Variants in BMP2K observed in about 807,000 individuals in gnomAD.
BMP2K encodes BMP-2-inducible protein kinase.
In BMP2K, 74 loss-of-function variants were observed where a neutral mutation model predicts 116.0. The ratio of observed to expected loss-of-function variants is 0.64; its 90% CI spans 0.53 to 0.77. The LOEUF (loss-of-function observed/expected upper bound fraction) is 0.77, where lower values mean the gene tolerates loss of function less well. Among genes scored for constraint, BMP2K ranks in the 30% least tolerant of loss-of-function variants. The probability of loss-of-function intolerance (pLI) is 0.00; values close to 1 mark genes in which losing one functional copy is unlikely to be tolerated. For missense variants in BMP2K, 1,365 were observed against 1,403.6 expected (o/e 0.97, Z 0.44); for synonymous variants, 486 against 502.5 (o/e 0.97, Z 0.44).
chr4:78,883,564 T>C (rs1732954068), intron 14 of BMP2K, among the ~76,000 whole-genome samples: 3 of 152,198 alleles, frequency 2.0e-5, no homozygotes, highest in Admixed American at 2.0e-4. Flanking sequence ...TTTTTACTTA[T>C]AGGGACCCCT....
chr4:78,841,855 TTCAATC>T (rs1420198780), intron 3 of BMP2K, among the ~76,000 whole-genome samples: 5 of 152,222 alleles, frequency 3.3e-5, no homozygotes, highest in African/African-American at 1.2e-4. Flanking sequence ...CTAATTATCC[TTCAATC>T]TCAAATATCA....
rs934418003 is a variant in BMP2K at position 78,912,258 on chromosome 4, G to C, written c.*225G>C. On this transcript the variant is annotated 3_prime_UTR_variant, in exon 16 of 16. Transcript: ENST00000502613. ...GAGCTAAATTGCAAGCTCTAACTAA[G>C]GGTTTCTGCTACTGACATCACAACA... The C allele has an allele frequency of 2.1e-6, 1 of 471,286 alleles. No individual in the cohort carries two copies. Among genetic ancestry groups the C allele is most frequent in the Non-Finnish European group, 3.7e-6 (1 of 267,960 alleles). 29.2% of individuals were successfully genotyped at this position (471,286 alleles called of 1,614,324 possible). A position where few individuals can be genotyped will look rare whatever the true frequency, so the allele number is the denominator to read the frequency against.
chr4:78,812,729 T>G (rs1236479362), intron 1 of BMP2K, among the ~76,000 whole-genome samples: 1 of 152,208 alleles, frequency 6.6e-6, no homozygotes, highest in Non-Finnish European at 1.5e-5. Context: ...TATAGCAAAG[T>G]GCTGTTAATC....
chr4:78,841,139 T>G (rs1333565881), intron 3 of BMP2K, among the ~76,000 whole-genome samples: 1 of 152,162 alleles, frequency 6.6e-6, no homozygotes, highest in Admixed American at 6.6e-5. Context: ...GCTTTAAAAT[T>G]CTATGAGAAA....
In BMP2K at chr4:78,870,976, A is replaced by ACAGCAACAGCAGCAGCAGCAG. The variant is rs766406376; in HGVS notation, c.1431_1451dup (p.Gln480_Gln486dup). 22 of 1,608,410 alleles carry ACAGCAACAGCAGCAGCAGCAG rather than the reference A, an allele frequency of 1.4e-5. No homozygotes were observed. Among genetic ancestry groups the ACAGCAACAGCAGCAGCAGCAG allele is most frequent in the Non-Finnish European group, 9.3e-6 (11 of 1,177,894 alleles). ...AGCAACAGCAACAGCAGCAGCAGCA[A>ACAGCAACAGCAGCAGCAGCAG]CAGCAACAGCAGCAGCAGCAGCAGC... On this transcript the variant is annotated inframe_insertion, in exon 11 of 16. Coordinates refer to ENST00000502613, the MANE Select transcript of BMP2K (RefSeq NM_198892.2).
intron 15 of BMP2K, 151 bp downstream of exon 15, chr4:78,887,435 ATGT>A: frequency 1.6e-6 from 1 of 638,672 alleles, no homozygotes; most frequent in Non-Finnish European, 2.7e-6. Context: ...CTTCTTAATG[ATGT>A]TCTTTGCATT....
chr4:78,845,622 C>T (rs753485047), intron 5 of BMP2K, among the ~76,000 whole-genome samples: 13 of 151,612 alleles, frequency 8.6e-5, no homozygotes, highest in Non-Finnish European at 1.6e-4. Flanking sequence ...GAGAATCTTT[C>T]GCTGACTCTT....
chr4:78,828,112 A>G (rs1177446894), intron 2 of BMP2K, among the ~76,000 whole-genome samples: 1 of 152,188 alleles, frequency 6.6e-6, no homozygotes, highest in Non-Finnish European at 1.5e-5. Flanking sequence ...AGCTGCCAGC[A>G]TGGCTAGAAT....
In BMP2K at chr4:78,793,921, C is replaced by T. The variant is rs146220272; in HGVS notation, c.178+17200C>T. On this transcript the variant is annotated intron_variant, in intron 1 of 15. Transcript: ENST00000502613. ...AGAACATTTAAAATTTTATATGTGG[C>T]TCACATTATATTGGACATACTGGAC... Among the ~76,000 whole-genome samples, 6 of 151,934 alleles carry T rather than the reference C, an allele frequency of 3.9e-5. No homozygotes were observed. In the East Asian group the frequency reaches 1.2e-3, roughly 29 times the overall value.
intron 11 of BMP2K, 82 bp downstream of exon 11, chr4:78,871,142 C>G: frequency 6.4e-7 from 1 of 1,557,438 alleles, no homozygotes; most frequent in Non-Finnish European, 8.7e-7. Context: ...CTTTTTGTAT[C>G]ATGGGCACCT....
intron 7 of BMP2K, among the ~76,000 whole-genome samples, chr4:78,851,984 A>G (rs2110034509): frequency 6.6e-6 from 1 of 152,248 alleles, no homozygotes; most frequent in Non-Finnish European, 1.5e-5. Context: ...TCTAAGTTTT[A>G]TAATTTATGA....
chr4:78,874,531 T>G (rs1732540217), intron 13 of BMP2K, among the ~76,000 whole-genome samples: 1 of 152,190 alleles, frequency 6.6e-6, no homozygotes, highest in African/African-American at 2.4e-5. Flanking sequence ...TTTTCCACTT[T>G]TGATGCTAAC....
intron 10 of BMP2K, among the ~76,000 whole-genome samples, chr4:78,868,443 A>G (rs192326296): frequency 6.6e-6 from 1 of 152,150 alleles, no homozygotes; most frequent in South Asian, 2.1e-4. Context: ...AAGTCAAACC[A>G]TATCATTCTA....
chr4:78,810,379 C>T lies in BMP2K; in HGVS notation c.179-15658C>T, dbSNP rs143394505. On this transcript the variant is annotated intron_variant, in intron 1 of 15. Coordinates refer to ENST00000502613, the MANE Select transcript of BMP2K (RefSeq NM_198892.2). Reference sequence around the variant, plus strand: ...AGCTAGAGCTTTTCAAAGAGTTTTTCGAAGCCCCTGTAGATATCTCATTCC... The same window carrying T: ...AGCTAGAGCTTTTCAAAGAGTTTTTTGAAGCCCCTGTAGATATCTCATTCC... Among the ~76,000 whole-genome samples, 55 of 152,256 alleles carry T rather than the reference C, an allele frequency of 3.6e-4. 1 individual carries two copies. In the East Asian group the frequency reaches 6.9e-3, roughly 19 times the overall value.
chr4:78,857,667 C>T (rs1417725149), intron 7 of BMP2K, among the ~76,000 whole-genome samples: 1 of 152,106 alleles, frequency 6.6e-6, no homozygotes, highest in Non-Finnish European at 1.5e-5. Flanking sequence ...CTAGTCCATA[C>T]TGATAGCGTG....
intron 13 of BMP2K, among the ~76,000 whole-genome samples, chr4:78,873,230 T>TAGAA (rs1259921305): frequency 1.3e-5 from 2 of 152,258 alleles, no homozygotes; most frequent in African/African-American, 4.8e-5. Context: ...ATAAACATTT[T>TAGAA]TACATATATG....
chr4:78,833,747 G>A, intron 3 of BMP2K, 60 bp downstream of exon 3: 2 of 1,127,060 alleles, frequency 1.8e-6, no homozygotes, highest in South Asian at 1.4e-5. Context: ...GGGTTACTAG[G>A]TATCTTTGTT....
chr4:78,794,392 T>G (rs1340092913), intron 1 of BMP2K, among the ~76,000 whole-genome samples: 3 of 152,090 alleles, frequency 2.0e-5, no homozygotes, highest in African/African-American at 7.2e-5. Flanking sequence ...TAAGACTGTT[T>G]CTGTGGGAAA....
intron 1 of BMP2K, among the ~76,000 whole-genome samples, chr4:78,794,536 T>A (rs908578892): frequency 6.6e-6 from 1 of 152,210 alleles, no homozygotes; most frequent in African/African-American, 2.4e-5. Context: ...TAATAGTGTT[T>A]GAAAAGATTA....
Sources: allele counts gnomAD v4.1 joint callset (sites outside exome capture counted in the v4.1 genomes callset), GRCh38; gene constraint gnomAD v4.1.1; transcripts MANE v1.5; gene names NCBI Gene and HGNC (gene_info 2026-07-23, HGNC 2026-07-21).